The following CUX1 variants were observed in gnomAD, a reference collection of about 807,000 sequenced individuals.
CUX1 encodes protein CASP.
A neutral mutation model predicts 158.8 loss-of-function variants in CUX1; 31 were observed. The ratio of observed to expected loss-of-function variants is 0.20; its 90% CI spans 0.15 to 0.26. The LOEUF (loss-of-function observed/expected upper bound fraction) is 0.26. Ranked by LOEUF, CUX1 falls within the 10% of genes least tolerant of loss-of-function variation. The pLI, the probability that CUX1 is intolerant of heterozygous loss-of-function variation, is 1.00. For missense variants in CUX1, 1,589 were observed against 2,014.6 expected (o/e 0.79, Z 4.04); for synonymous variants, 879 against 862.1 (o/e 1.02, Z -0.34).
chr7:101,872,514 G>A (rs745392036), intron 1 of CUX1, among the ~76,000 whole-genome samples: 1 of 150,366 alleles, frequency 6.7e-6, no homozygotes, highest in East Asian at 2.0e-4. Context: ...GACTAAAGAA[G>A]ATAGAGTGGG....
intron 1 of CUX1, among the ~76,000 whole-genome samples, chr7:101,901,629 G>A (rs1461836712): frequency 6.6e-6 from 1 of 152,180 alleles, no homozygotes; most frequent in Non-Finnish European, 1.5e-5. Context: ...GTTATAAGCA[G>A]CCAGTGGCCC....
chr7:101,897,463 T>C (rs1249152626), intron 1 of CUX1, among the ~76,000 whole-genome samples: 2 of 151,388 alleles, frequency 1.3e-5, no homozygotes, highest in Admixed American at 6.6e-5. Context: ...ATCGTGCCAC[T>C]GTACTCCAGC....
At chr7:102,226,485 G>A (rs1242522302) in intron 20 of CUX1, among the ~76,000 whole-genome samples, 1 of 152,072 alleles carries the variant, frequency 6.6e-6, no homozygotes, top group Non-Finnish European at 1.5e-5. Context: ...AGGAGGAGCC[G>A]TGATTGCACC....
chr7:101,836,934 CTGAG>C (rs967282727), intron 1 of CUX1, among the ~76,000 whole-genome samples: 1 of 152,144 alleles, frequency 6.6e-6, no homozygotes, highest in African/African-American at 2.4e-5. Flanking sequence ...CTCGATGGCT[CTGAG>C]TGAGTCAGTC....
chr7:102,282,866 A>G, intron 22 of CUX1: 1 of 713,300 alleles, frequency 1.4e-6, no homozygotes. Context: ...CATGTCCCCC[A>G]CTCCTTAGCC....
At chr7:102,115,432 C>A in intron 8 of CUX1, 159 bp downstream of exon 8, 1 of 568,238 alleles carries the variant, frequency 1.8e-6, no homozygotes, top group Non-Finnish European at 3.0e-6. Context: ...CGTTCTAGCA[C>A]TCACTGGGTA....
intron 14 of CUX1, among the ~76,000 whole-genome samples, chr7:102,269,834 T>C (rs1307073250): frequency 6.6e-6 from 1 of 152,122 alleles, no homozygotes; most frequent in Admixed American, 6.5e-5. Flanking sequence ...CCCCAAACGC[T>C]TCCAAGCTCT....
chr7:102,178,290 A>G (rs1426745997), intron 10 of CUX1, among the ~76,000 whole-genome samples, 179 bp from the exon 11 acceptor site: 2 of 152,212 alleles, frequency 1.3e-5, no homozygotes, highest in African/African-American at 4.8e-5. Flanking sequence ...GGTGGCAGCT[A>G]ACCACAGGGG....
chr7:101,839,991 A>G (rs1795049065), intron 1 of CUX1, among the ~76,000 whole-genome samples: 1 of 152,106 alleles, frequency 6.6e-6, no homozygotes. Context: ...CAAACTCCTG[A>G]CCTCAGGTGA....
intron 1 of CUX1, among the ~76,000 whole-genome samples, chr7:101,852,195 A>G (rs1364386820): frequency 2.0e-5 from 3 of 151,992 alleles, no homozygotes; most frequent in African/African-American, 7.2e-5. Flanking sequence ...TCAACCTTCC[A>G]GTCTTTCTAA....
intron 1 of CUX1, among the ~76,000 whole-genome samples, chr7:101,825,933 A>G (rs1250687868): frequency 6.6e-6 from 1 of 152,112 alleles, no homozygotes; most frequent in Admixed American, 6.6e-5. Flanking sequence ...AATCCATTAT[A>G]AATGCAGCTG....
At chr7:101,941,382 C>CT (rs1436364554) in intron 2 of CUX1, among the ~76,000 whole-genome samples, 29 of 152,208 alleles carry the variant, frequency 1.9e-4, no homozygotes, top group Non-Finnish European at 2.9e-4. Context: ...CTTTGCGGGT[C>CT]TGCTTAGCGG....
chr7:102,148,889 G>T (rs1413373471), intron 8 of CUX1, among the ~76,000 whole-genome samples: 2 of 149,994 alleles, frequency 1.3e-5, no homozygotes, highest in South Asian at 2.1e-4. Flanking sequence ...CATTTTCATC[G>T]CTTAGCTCCC....
At chr7:102,057,563 G>A (rs1304199716) in intron 3 of CUX1, among the ~76,000 whole-genome samples, 1 of 152,112 alleles carries the variant, frequency 6.6e-6, no homozygotes, top group East Asian at 1.9e-4. Flanking sequence ...CAACCCTCAT[G>A]GATGACTTTG....
In CUX1 at chr7:102,250,857, C is replaced by T; in HGVS notation, c.*1815C>T. 2.0e-6 allele frequency: 2 copies of T among 985,420 alleles called. No homozygotes were observed. Among genetic ancestry groups the T allele is most frequent in the Non-Finnish European group, 2.4e-6 (2 of 829,938 alleles). The allele number at this position is 985,420 out of a possible 1,614,324, so 61.0% of individuals were successfully genotyped here. A position where few individuals can be genotyped will look rare whatever the true frequency, so the allele number is the denominator to read the frequency against. On this transcript the variant is annotated 3_prime_UTR_variant, in exon 24 of 24. Transcript: ENST00000292535. ...ACCTGTGCACACGTAGAGTGCATTA[C>T]TGCCACCTTTTTCAATAAGCTGTTT...
chr7:102,272,697 AG>A (rs1554546538), intron 14 of CUX1, among the ~76,000 whole-genome samples: 1 of 152,178 alleles, frequency 6.6e-6, no homozygotes, highest in Admixed American at 6.5e-5. Context: ...CCTGCAGGGC[AG>A]GAAAGTCACA....
chr7:101,945,482 T>C (rs1284849455), intron 2 of CUX1, among the ~76,000 whole-genome samples: 1 of 152,256 alleles, frequency 6.6e-6, no homozygotes, highest in Admixed American at 6.5e-5. Flanking sequence ...CAAGGACTCA[T>C]GGAAATGCCT....
chr7:102,148,814 AAT>A (rs1268996693), intron 8 of CUX1, among the ~76,000 whole-genome samples: 5 of 151,270 alleles, frequency 3.3e-5, no homozygotes, highest in African/African-American at 1.2e-4. Flanking sequence ...CACTGCACCC[AAT>A]ATATAGTCTT....
chr7:102,275,221 C>T lies in CUX1; in HGVS notation c.1451-26C>T, dbSNP rs150668340. ...GCTGGGTTCCACCTCCTGCCACCCCCCAAGCCACCCTCCTCTACCTGCTAG... is the reference window on the plus strand; with the variant it reads ...GCTGGGTTCCACCTCCTGCCACCCCTCAAGCCACCCTCCTCTACCTGCTAG... On this transcript the variant is annotated intron_variant, in intron 16 of 22. Transcript: ENST00000292538. 2.0e-4 allele frequency: 317 copies of T among 1,565,514 alleles called. 1 individual carries two copies. The East Asian group carries it at 7.0e-3, about 35-fold the overall frequency.
Sources: allele counts gnomAD v4.1 joint callset (sites outside exome capture counted in the v4.1 genomes callset), GRCh38; gene constraint gnomAD v4.1.1; transcripts MANE v1.5; gene names NCBI Gene and HGNC (gene_info 2026-07-23, HGNC 2026-07-21).